CYREN: variants seen among roughly 807,000 people sequenced by gnomAD.
CYREN encodes cell cycle regulator of non-homologous end joining.
Under a neutral mutation model 9.7 loss-of-function variants are expected in CYREN, and 7 were observed. That is an observed-to-expected ratio of 0.72 (90% CI 0.41 to 1.36). The LOEUF (loss-of-function observed/expected upper bound fraction) is 1.36, where lower values mean the gene tolerates loss of function less well. CYREN is among the 40% of genes most tolerant of loss of function. The probability of loss-of-function intolerance (pLI) is 0.01; values close to 1 mark genes in which losing one functional copy is unlikely to be tolerated. For missense variants in CYREN, 215 were observed against 198.1 expected, an observed-to-expected ratio of 1.09 and a Z score of -0.51; for synonymous variants, 76 against 77.9, an observed-to-expected ratio of 0.98 and a Z score of 0.13.
chr7:135,168,893 C>T lies in CYREN; in HGVS notation c.30G>A (p.Thr10=). 1 of 1,612,426 alleles carries T rather than the reference C, an allele frequency of 6.2e-7. No homozygotes were observed. The highest frequency in any genetic ancestry group is 8.5e-7 in the Non-Finnish European group (1 of 1,179,156). METLQSETK[T]RVLPSWLTAQ... The stretch of plus-strand genomic sequence containing the variant: ...CTGTCAGCCATGAGGGAAGGACCCT[C>T]GTTTTAGTCTCGGATTGTAAGGTTT... Residue 10 remains threonine, a synonymous_variant, in exon 2 of 4, where the codon ACG becomes ACA. Transcript: ENST00000393114.
At chr7:135,117,504 C>T (rs897490531) in intron 2 of CYREN, among the ~76,000 whole-genome samples, 2 of 152,194 alleles carry the variant, frequency 1.3e-5, no homozygotes, top group African/African-American at 4.8e-5. Context: ...AAAGTGTGAT[C>T]TTCTCATTCT....
chr7:135,124,368 C>T (rs1390656289), intron 2 of CYREN, among the ~76,000 whole-genome samples: 6 of 152,156 alleles, frequency 3.9e-5, no homozygotes, highest in Non-Finnish European at 8.8e-5. Context: ...TATATATGCA[C>T]CCAATACAGG....
intron 2 of CYREN, chr7:135,148,136 T>C: frequency 2.2e-6 from 1 of 452,152 alleles, no homozygotes; most frequent in Non-Finnish European, 4.4e-6. Context: ...TGCATCTGCC[T>C]GCCATTTCCC....
At chr7:135,093,648 A>T (rs931908218) in exon 3 of CYREN, 3 of 152,200 alleles carry the variant, frequency 2.0e-5, no homozygotes, top group Non-Finnish European at 4.4e-5. Flanking sequence ...CTGGTCATGG[A>T]TCAGAAGATT....
rs1012685883 is a variant in CYREN at position 135,129,654 on chromosome 7, G to A, written n.357-35072C>T. The A allele has an allele frequency of 1.5e-5, 12 of 780,676 alleles. No individual in the cohort carries two copies. In the African/African-American group the frequency reaches 1.9e-4, roughly 12 times the overall value. The allele number at this position is 780,676 out of a possible 1,614,324, so 48.4% of individuals were successfully genotyped here. A position where few individuals can be genotyped will look rare whatever the true frequency, so the allele number is the denominator to read the frequency against. On this transcript the variant is annotated intron_variant and non_coding_transcript_variant, in intron 2 of 2. Transcript: ENST00000459937. ...TAAACAGCTGTTTTATGCTGTGGAT[G>A]TTGATGAAGATATTTGGGAAGATGA...
chr7:135,154,171 T>C (rs1195146287), intron 2 of CYREN, among the ~76,000 whole-genome samples: 4 of 152,308 alleles, frequency 2.6e-5, no homozygotes, highest in African/African-American at 9.6e-5. Flanking sequence ...ATGGTATCAG[T>C]TGTAATGTCT....
At chr7:135,138,061 G>GAAACA (rs1829388035) in intron 2 of CYREN, among the ~76,000 whole-genome samples, 1 of 151,974 alleles carries the variant, frequency 6.6e-6, no homozygotes, top group African/African-American at 2.4e-5. Flanking sequence ...AACAACCGCT[G>GAAACA]ACTACAGTTC....
chr7:135,168,067 A>T (rs1346732431), intron 2 of CYREN: 3 of 534,226 alleles, frequency 5.6e-6, no homozygotes, highest in Non-Finnish European at 9.9e-6. Flanking sequence ...GGAAGTAGGG[A>T]AGGATGGCCG....
At chr7:135,149,418 A>C (rs1383443784) in intron 2 of CYREN, among the ~76,000 whole-genome samples, 1 of 152,192 alleles carries the variant, frequency 6.6e-6, no homozygotes, top group Non-Finnish European at 1.5e-5. Flanking sequence ...TTGATACATC[A>C]TAGTTTACTT....
At chr7:135,156,626 T>C (rs1338453385) in intron 2 of CYREN, among the ~76,000 whole-genome samples, 2 of 152,204 alleles carry the variant, frequency 1.3e-5, no homozygotes, top group African/African-American at 4.8e-5. Flanking sequence ...TTTTCTGATT[T>C]CTTTGTATTA....
intron 2 of CYREN, among the ~76,000 whole-genome samples, chr7:135,123,266 G>C (rs10263789): frequency 2.6e-5 from 4 of 151,936 alleles, no homozygotes; most frequent in Non-Finnish European, 5.9e-5. Flanking sequence ...ATCAATAGCC[G>C]AATCGACCAC....
downstream of CYREN, among the ~76,000 whole-genome samples, chr7:135,161,286 G>C (rs984704123): frequency 6.6e-6 from 1 of 152,240 alleles, no homozygotes; most frequent in Admixed American, 6.5e-5. The surrounding 1 kb of genome is among the most constrained non-coding windows in gnomAD (Gnocchi z 4.1). Context: ...TCCCCGAGGA[G>C]CCACATTAAT....
At chr7:135,114,418 T>A (rs1323099543) in intron 2 of CYREN, among the ~76,000 whole-genome samples, 4 of 152,196 alleles carry the variant, frequency 2.6e-5, no homozygotes, top group South Asian at 4.1e-4. Flanking sequence ...GATAAACATT[T>A]TTTAAAATGT....
intron 2 of CYREN, among the ~76,000 whole-genome samples, chr7:135,157,523 T>C (rs1829825497): frequency 6.6e-6 from 1 of 152,216 alleles, no homozygotes; most frequent in South Asian, 2.1e-4. Context: ...GGTTAGTGGG[T>C]CTTGGAGGGC....
At chr7:135,169,202 T>C (rs1028099430) in intron 1 of CYREN, 142 bp from the exon 2 acceptor site, 3 of 299,346 alleles carry the variant, frequency 1.0e-5, no homozygotes, top group Admixed American at 1.0e-4. Context: ...GGTGTGATTG[T>C]GGGCAGGACA....
At chr7:135,171,806 A>G (rs1034468585), upstream of CYREN, among the ~76,000 whole-genome samples, 1 of 140,842 alleles carries the variant, frequency 7.1e-6, no homozygotes, top group Non-Finnish European at 1.6e-5. Context: ...CCTGCAGAGG[A>G]CTCCGGCCAG....
At chr7:135,159,260 T>C (rs1048629505) in intron 2 of CYREN, among the ~76,000 whole-genome samples, 2 of 152,248 alleles carry the variant, frequency 1.3e-5, no homozygotes, top group Non-Finnish European at 2.9e-5. Context: ...TGGAGGCACA[T>C]ACTACCTGTG....
At chr7:135,168,717 G>A in intron 2 of CYREN, 69 bp downstream of exon 2, 3 of 1,568,574 alleles carry the variant, frequency 1.9e-6, no homozygotes, top group Non-Finnish European at 1.7e-6. Flanking sequence ...GGAAGACCTG[G>A]CCCAGGTCAT....
chr7:135,101,035 T>C (rs1397596744), intron 2 of CYREN: 1 of 373,658 alleles, frequency 2.7e-6, no homozygotes, highest in African/African-American at 2.1e-5. Flanking sequence ...CTTACATGAG[T>C]AGCTTACTGT....
Sources: gnomAD v4.1 joint callset for allele counts (sites outside exome capture counted in the v4.1 genomes callset) on GRCh38, gnomAD v4.1.1 for gene constraint, Gnocchi (gnomAD v3.1) non-coding constraint, MANE v1.5 for transcripts, NCBI Gene and HGNC (gene_info 2026-07-23, HGNC 2026-07-21) for gene names.